The following TRHDE variants were observed in gnomAD, a reference collection of about 807,000 sequenced individuals.
TRHDE encodes thyrotropin releasing hormone degrading enzyme.
Under a neutral mutation model 125.7 loss-of-function variants are expected in TRHDE, and 72 were observed. The observed-to-expected ratio is 0.57, with a 90% CI of 0.47 to 0.70. The LOEUF (loss-of-function observed/expected upper bound fraction) is 0.70, where lower values mean the gene tolerates loss of function less well. Among genes scored for constraint, TRHDE ranks in the 30% least tolerant of loss-of-function variants. The pLI, the probability that TRHDE is intolerant of heterozygous loss-of-function variation, is 0.00. For missense variants in TRHDE, 1,110 were observed against 1,327.1 expected (o/e 0.84, Z 2.54); for synonymous variants, 509 against 509.1 (o/e 1.00, Z 0.00).
chr12:72,529,410 C>T (rs969892019), intron 6 of TRHDE, among the ~76,000 whole-genome samples: 3 of 152,086 alleles, frequency 2.0e-5, no homozygotes, highest in African/African-American at 7.2e-5. Context: ...GTCCTCTAAT[C>T]CCTTTCTTAA....
intron 12 of TRHDE, among the ~76,000 whole-genome samples, chr12:72,618,417 A>G (rs1872908522): frequency 6.6e-6 from 1 of 152,180 alleles, no homozygotes; most frequent in Non-Finnish European, 1.5e-5. Context: ...ATTGTAATCT[A>G]ACAAACACTC....
intron 7 of TRHDE, among the ~76,000 whole-genome samples, chr12:72,543,438 T>A (rs1000422499): frequency 6.6e-6 from 1 of 151,516 alleles, no homozygotes; most frequent in African/African-American, 2.4e-5. Flanking sequence ...ACCTTCAGAA[T>A]AGCTGAATCC....
chr12:72,547,214 A>AG (rs1869460801), intron 7 of TRHDE, among the ~76,000 whole-genome samples: 3 of 151,374 alleles, frequency 2.0e-5, no homozygotes, highest in Admixed American at 2.0e-4. Flanking sequence ...CTCTTCCTTA[A>AG]TATTGTATTA....
intron 2 of TRHDE, among the ~76,000 whole-genome samples, chr12:72,108,550 C>T (rs1045450735): frequency 3.3e-5 from 5 of 152,004 alleles, no homozygotes; most frequent in African/African-American, 4.8e-5. Flanking sequence ...GCTTCTTCTT[C>T]GATGTTTCAG....
chr12:72,569,568 C>G (rs375664241), intron 10 of TRHDE, among the ~76,000 whole-genome samples: 1 of 152,068 alleles, frequency 6.6e-6, no homozygotes, highest in Admixed American at 6.5e-5. Flanking sequence ...TTTACATGCT[C>G]AAAATACATA....
chr12:72,637,012 G>C (rs1030056225), intron 15 of TRHDE, among the ~76,000 whole-genome samples: 3 of 152,160 alleles, frequency 2.0e-5, no homozygotes, highest in African/African-American at 4.8e-5. Context: ...GATGATGCTG[G>C]CCTCATAAAT....
chr12:72,532,172 A>G (rs1284602570), intron 6 of TRHDE, among the ~76,000 whole-genome samples: 1 of 151,842 alleles, frequency 6.6e-6, no homozygotes, highest in Admixed American at 6.6e-5. Context: ...TTGTTTTATA[A>G]TATTTGTTTG....
chr12:72,645,133 A>G (rs1179806856), intron 15 of TRHDE, among the ~76,000 whole-genome samples: 1 of 152,198 alleles, frequency 6.6e-6, no homozygotes, highest in Admixed American at 6.5e-5. Context: ...GGAACAAGAT[A>G]AGTCTTCAAA....
intron 2 of TRHDE, among the ~76,000 whole-genome samples, chr12:72,160,888 CT>C (rs1369287646): frequency 6.6e-6 from 1 of 152,094 alleles, no homozygotes; most frequent in Non-Finnish European, 1.5e-5. Flanking sequence ...AAATTTATTA[CT>C]GTTTTGTTGG....
At chr12:72,452,324 G>A (rs11179211) in intron 3 of TRHDE, among the ~76,000 whole-genome samples, 4 of 151,934 alleles carry the variant, frequency 2.6e-5, no homozygotes, top group Non-Finnish European at 5.9e-5. Context: ...TCATTTATTA[G>A]CTCCAGTAGT....
chr12:72,559,340 A>T (rs1449301700), intron 7 of TRHDE, among the ~76,000 whole-genome samples: 1 of 152,208 alleles, frequency 6.6e-6, no homozygotes, highest in Non-Finnish European at 1.5e-5. Flanking sequence ...ATATATGTGA[A>T]GATAGGCACA....
intron 12 of TRHDE, among the ~76,000 whole-genome samples, chr12:72,587,206 G>A (rs993054278): frequency 6.6e-6 from 1 of 152,102 alleles, no homozygotes; most frequent in Non-Finnish European, 1.5e-5. Context: ...CCAGTTTACT[G>A]TAGTTTTTAA....
intron 2 of TRHDE, among the ~76,000 whole-genome samples, chr12:72,155,191 A>G (rs1271827234): frequency 6.6e-6 from 1 of 152,104 alleles, no homozygotes; most frequent in Admixed American, 6.5e-5. Flanking sequence ...TGAATTGGCT[A>G]CTGAGGCTTG....
chr12:72,097,366 G>A (rs1362706119), intron 1 of TRHDE, among the ~76,000 whole-genome samples: 1 of 150,858 alleles, frequency 6.6e-6, no homozygotes, highest in East Asian at 1.9e-4. Context: ...TTCCTGGAAG[G>A]CTTTAAAGTT....
At chr12:72,239,922 C>G (rs553321104) in intron 2 of TRHDE, among the ~76,000 whole-genome samples, 1 of 152,238 alleles carries the variant, frequency 6.6e-6, no homozygotes, top group African/African-American at 2.4e-5. Context: ...TGAGCTTAAG[C>G]TAGAATTTTA....
intron 2 of TRHDE, among the ~76,000 whole-genome samples, chr12:72,335,892 T>C (rs1338494604): frequency 6.6e-6 from 1 of 152,194 alleles, no homozygotes; most frequent in Non-Finnish European, 1.5e-5. Context: ...TTAAAGAACA[T>C]GAGGTTCATG....
At chr12:72,156,750 C>T (rs976333914) in intron 2 of TRHDE, among the ~76,000 whole-genome samples, 2 of 152,054 alleles carry the variant, frequency 1.3e-5, no homozygotes, top group Admixed American at 6.6e-5. Flanking sequence ...GGTGAAGAAA[C>T]AAGGGAAACA....
At chr12:72,520,625 G>A (rs899818372) in intron 6 of TRHDE, among the ~76,000 whole-genome samples, 3 of 152,188 alleles carry the variant, frequency 2.0e-5, no homozygotes, top group African/African-American at 7.2e-5. Context: ...GCTGGGAGCT[G>A]TAGACTGGAG....
intron 3 of TRHDE, among the ~76,000 whole-genome samples, chr12:72,424,853 G>T (rs1488118308): frequency 6.6e-6 from 1 of 152,040 alleles, no homozygotes; most frequent in Non-Finnish European, 1.5e-5. Flanking sequence ...TTTAGTAAAA[G>T]AATGCTAAAT....
Sources: allele counts gnomAD v4.1 joint callset (sites outside exome capture counted in the v4.1 genomes callset), GRCh38; gene constraint gnomAD v4.1.1; transcripts MANE v1.5; gene names NCBI Gene and HGNC (gene_info 2026-07-23, HGNC 2026-07-21).